EXOC6B: variants seen among roughly 807,000 people sequenced by gnomAD.
EXOC6B encodes SEC15 homolog B.
A neutral mutation model predicts 113.5 loss-of-function variants in EXOC6B; 54 were observed. That is an observed-to-expected ratio of 0.48 (90% CI 0.38 to 0.60). EXOC6B has a LOEUF of 0.60. EXOC6B is among the 20% of genes least tolerant of loss of function. The pLI is 0.00. For synonymous variants in EXOC6B, 357 were observed against 339.0 expected (o/e 1.05, Z -0.58); for missense variants, 797 against 977.5 (o/e 0.82, Z 2.46).
chr2:72,390,896 A>G (rs1423213393), intron 18 of EXOC6B, among the ~76,000 whole-genome samples: 3 of 152,194 alleles, frequency 2.0e-5, no homozygotes, highest in African/African-American at 7.2e-5. Context: ...TTTTCGCCCT[A>G]TACATTAATA....
intron 18 of EXOC6B, among the ~76,000 whole-genome samples, chr2:72,446,225 A>G (rs1340923450): frequency 6.6e-6 from 1 of 152,162 alleles, no homozygotes; most frequent in African/African-American, 2.4e-5. Flanking sequence ...AAAACATTAA[A>G]TCAACCTAAA....
intron 6 of EXOC6B, among the ~76,000 whole-genome samples, chr2:72,600,641 C>T (rs1311922572): frequency 1.3e-5 from 2 of 151,698 alleles, no homozygotes; most frequent in East Asian, 1.9e-4. Flanking sequence ...ATGGAACAGC[C>T]GGAAAGCCTC....
At chr2:72,466,075 T>G (rs1214711335) in intron 17 of EXOC6B, among the ~76,000 whole-genome samples, 1 of 152,138 alleles carries the variant, frequency 6.6e-6, no homozygotes, top group Non-Finnish European at 1.5e-5. Flanking sequence ...CCAGGTGCAG[T>G]GGCTCATGCG....
intron 20 of EXOC6B, among the ~76,000 whole-genome samples, chr2:72,321,428 G>A (rs1399148729): frequency 1.3e-5 from 2 of 151,672 alleles, no homozygotes; most frequent in Non-Finnish European, 2.9e-5. Context: ...CCAGCTACTC[G>A]GGAGGCTGAG....
At chr2:72,641,929 G>C (rs774638733) in intron 6 of EXOC6B, among the ~76,000 whole-genome samples, 1 of 152,258 alleles carries the variant, frequency 6.6e-6, no homozygotes, top group Non-Finnish European at 1.5e-5. Flanking sequence ...CTCCGCTGGT[G>C]ATACCCAGGC....
intron 18 of EXOC6B, among the ~76,000 whole-genome samples, chr2:72,429,150 G>A (rs1695378618): frequency 6.6e-6 from 1 of 152,118 alleles, no homozygotes; most frequent in Admixed American, 6.5e-5. Context: ...AGTCATCATG[G>A]GAGTCACATA....
chr2:72,771,293 C>A (rs1683391815), intron 1 of EXOC6B, among the ~76,000 whole-genome samples: 1 of 152,036 alleles, frequency 6.6e-6, no homozygotes, highest in African/African-American at 2.4e-5. Flanking sequence ...TCTTGTATAG[C>A]CTTTATGCAG....
At chr2:72,622,827 A>G (rs1671826971) in intron 6 of EXOC6B, among the ~76,000 whole-genome samples, 1 of 152,240 alleles carries the variant, frequency 6.6e-6, no homozygotes, top group African/African-American at 2.4e-5. Flanking sequence ...GGTTAAAATT[A>G]ATATGAAAAT....
chr2:72,823,907 A>G (rs1390884214), intron 1 of EXOC6B, among the ~76,000 whole-genome samples: 2 of 152,214 alleles, frequency 1.3e-5, no homozygotes, highest in African/African-American at 4.8e-5. Context: ...TTGGTATTAT[A>G]AGTAATCTAG....
intron 21 of EXOC6B, chr2:72,182,852 C>G: frequency 8.2e-7 from 1 of 1,218,062 alleles, no homozygotes; most frequent in Non-Finnish European, 1.0e-6. Context: ...GAAGGACTTG[C>G]CTCAAAGTGA....
intron 16 of EXOC6B, among the ~76,000 whole-genome samples, chr2:72,488,023 A>G (rs1162903002): frequency 6.6e-6 from 1 of 152,190 alleles, no homozygotes; most frequent in Non-Finnish European, 1.5e-5. Flanking sequence ...TGCAGGAGCC[A>G]TTCTCTTTAA....
At chr2:72,651,966 A>G (rs1674198988) in intron 6 of EXOC6B, among the ~76,000 whole-genome samples, 1 of 152,246 alleles carries the variant, frequency 6.6e-6, no homozygotes, top group Admixed American at 6.5e-5. Context: ...CAGATCCAGT[A>G]TAATAATTTG....
At chr2:72,531,969 G>A (rs1453685535) in intron 8 of EXOC6B, among the ~76,000 whole-genome samples, 1 of 152,010 alleles carries the variant, frequency 6.6e-6, no homozygotes, top group African/African-American at 2.4e-5. Context: ...TGGGTGACAA[G>A]AGCGAGACTC....
At chr2:72,583,614 T>C (rs1227854043) in intron 6 of EXOC6B, among the ~76,000 whole-genome samples, 1 of 152,190 alleles carries the variant, frequency 6.6e-6, no homozygotes, top group Non-Finnish European at 1.5e-5. Context: ...TTAAACTTCA[T>C]AAGCAAAGGA....
intron 8 of EXOC6B, among the ~76,000 whole-genome samples, chr2:72,535,414 G>A (rs545775758): frequency 1.3e-5 from 2 of 152,252 alleles, no homozygotes; most frequent in South Asian, 4.2e-4. Flanking sequence ...ATTCATATTA[G>A]GGATATTAGA....
chr2:72,700,623 A>C (rs1678251517), intron 6 of EXOC6B, among the ~76,000 whole-genome samples: 1 of 152,228 alleles, frequency 6.6e-6, no homozygotes. Context: ...TGACGACTGC[A>C]CAACCATGTG....
At chr2:72,188,749 A>G (rs1418077829) in intron 20 of EXOC6B, among the ~76,000 whole-genome samples, 1 of 152,200 alleles carries the variant, frequency 6.6e-6, no homozygotes, top group East Asian at 1.9e-4. Flanking sequence ...GTGACCACTA[A>G]TATTCCTTTT....
chr2:72,189,860 C>CTTTCTTTTTTTTTTTT (rs1553462592), intron 20 of EXOC6B, among the ~76,000 whole-genome samples: 10 of 87,212 alleles, frequency 1.1e-4, no homozygotes, highest in African/African-American at 6.5e-4. Flanking sequence ...CCTTCTTCTT[C>CTTTCTTTTTTTTTTTT]TTTTTTTTTT....
At chr2:72,710,758 G>A (rs2104687452) in intron 6 of EXOC6B, among the ~76,000 whole-genome samples, 1 of 152,272 alleles carries the variant, frequency 6.6e-6, no homozygotes, top group South Asian at 2.1e-4. Flanking sequence ...CTGTAGTGAA[G>A]ACTTAACCAC....
Sources: allele counts gnomAD v4.1 joint callset (sites outside exome capture counted in the v4.1 genomes callset), GRCh38; gene constraint gnomAD v4.1.1; transcripts MANE v1.5; gene names NCBI Gene and HGNC (gene_info 2026-07-23, HGNC 2026-07-21).